KCNJ6: variants seen among roughly 807,000 people sequenced by gnomAD.
KCNJ6 encodes the protein potassium inwardly rectifying channel subfamily J member 6, also known as G protein-activated inward rectifier potassium channel 2.
In KCNJ6, 9 loss-of-function variants were observed where a neutral mutation model predicts 34.2. The observed-to-expected ratio is 0.26, with a 90% confidence interval of 0.16 to 0.46. The LOEUF is 0.46. KCNJ6 is among the 20% of genes least tolerant of loss of function. The probability of loss-of-function intolerance (pLI) is 1.00; values close to 1 mark genes in which losing one functional copy is unlikely to be tolerated. For missense variants in KCNJ6, 236 were observed against 531.3 expected, an observed-to-expected ratio of 0.44 and a Z score of 5.46; for synonymous variants, 196 against 207.1, an observed-to-expected ratio of 0.95 and a Z score of 0.46.
chr21:37,647,233 A>G (rs964487896), intron 3 of KCNJ6, among the ~76,000 whole-genome samples: 1 of 152,002 alleles, frequency 6.6e-6, no homozygotes, highest in Non-Finnish European at 1.5e-5. Flanking sequence ...CTTAATTCTT[A>G]CTTTTTAGCT....
chr21:37,685,706 A>AG (rs1320142772), intron 3 of KCNJ6, among the ~76,000 whole-genome samples: 547 of 51,012 alleles, frequency 0.011, 157 homozygotes, highest in African/African-American at 0.029. Flanking sequence ...AAAAAAAAAA[A>AG]AATCTATCCT....
At chr21:37,782,365 T>C (rs1241459359) in intron 2 of KCNJ6, among the ~76,000 whole-genome samples, 1 of 152,182 alleles carries the variant, frequency 6.6e-6, no homozygotes, top group Non-Finnish European at 1.5e-5. Context: ...TGTTATAGCA[T>C]CAGCAGGAAA....
intron 1 of KCNJ6, among the ~76,000 whole-genome samples, chr21:37,876,739 G>GAC (rs35792630): frequency 0.28 from 42,953 of 151,922 alleles, 7,564 homozygotes; most frequent in African/African-American, 0.51. Context: ...GATCCATGTA[G>GAC]ACAGGCTGGA....
chr21:37,739,282 C>A (rs2054927948), intron 2 of KCNJ6, among the ~76,000 whole-genome samples: 2 of 152,002 alleles, frequency 1.3e-5, no homozygotes, highest in South Asian at 4.1e-4. Flanking sequence ...TAAGATTATG[C>A]AGGTGGCTGG....
chr21:37,914,016 T>G (rs868453523), intron 1 of KCNJ6, among the ~76,000 whole-genome samples: 4 of 144,760 alleles, frequency 2.8e-5, no homozygotes, highest in Non-Finnish European at 6.0e-5. Flanking sequence ...GGGGTGTGTG[T>G]GTGTGTGTGT....
At chr21:37,764,921 C>T (rs2055083664) in intron 2 of KCNJ6, among the ~76,000 whole-genome samples, 1 of 152,222 alleles carries the variant, frequency 6.6e-6, no homozygotes, top group Non-Finnish European at 1.5e-5. Flanking sequence ...AAATATTTCA[C>T]TTCCAAGCCA....
intron 1 of KCNJ6, among the ~76,000 whole-genome samples, chr21:37,907,917 G>T (rs921059652): frequency 6.6e-6 from 1 of 152,192 alleles, no homozygotes; most frequent in Non-Finnish European, 1.5e-5. Context: ...GAATGTGGCA[G>T]TGAAATAAAT....
chr21:37,792,969 G>A (rs576887251), intron 2 of KCNJ6, among the ~76,000 whole-genome samples: 2 of 152,106 alleles, frequency 1.3e-5, no homozygotes, highest in African/African-American at 4.8e-5. Context: ...TAAGCCATGA[G>A]GCCCCTCCTC....
At chr21:37,792,813 T>C (rs1182970526) in intron 2 of KCNJ6, among the ~76,000 whole-genome samples, 2 of 152,150 alleles carry the variant, frequency 1.3e-5, no homozygotes, top group Non-Finnish European at 2.9e-5. Context: ...AAAAGCACAC[T>C]GGTAAGCTCG....
rs1569429202 is a variant in KCNJ6, at chr21:37,614,498, A to ATGTGTGTG, written c.*10660_*10661insCACACACA. ...TGTATGCATGTGTCTGTGTGCGTGT[A>ATGTGTGTG]TGCATGTGTCTCTGTATGCATGTGT... On this transcript the variant is annotated 3_prime_UTR_variant, in exon 4 of 4. Transcript: ENST00000609713. 1 of 43,506 alleles carries ATGTGTGTG rather than the reference A, an allele frequency of 2.3e-5. No homozygotes were observed. Among genetic ancestry groups the ATGTGTGTG allele is most frequent in the South Asian group, 7.5e-4 (1 of 1,330 alleles). 2.7% of individuals were successfully genotyped at this position (43,506 alleles called of 1,614,324 possible). A position where few individuals can be genotyped will look rare whatever the true frequency, so the allele number is the denominator to read the frequency against.
At position 37,821,938 on chromosome 21, in the gene KCNJ6, G is replaced by A. The variant is rs563654527; in HGVS notation, c.25+18720C>T. On this transcript the variant is annotated intron_variant, in intron 2 of 3. Coordinates refer to ENST00000609713, the MANE Select transcript of KCNJ6 (RefSeq NM_002240.5). Reference sequence around the variant, plus strand: ...TATTATTTTAAAGATTTCTTTAGCAGGCATTAGTCATGACCAGCCAGAGAC... The same window carrying A: ...TATTATTTTAAAGATTTCTTTAGCAAGCATTAGTCATGACCAGCCAGAGAC... Among the ~76,000 whole-genome samples the A allele has an allele frequency of 3.9e-5, 6 of 152,306 alleles. No homozygotes were observed. In the East Asian group the frequency reaches 9.6e-4, roughly 24 times the overall value.
intron 2 of KCNJ6, among the ~76,000 whole-genome samples, chr21:37,741,835 C>G (rs1319017179): frequency 6.6e-6 from 1 of 152,238 alleles, no homozygotes; most frequent in Non-Finnish European, 1.5e-5. Flanking sequence ...TCCTAAAAGC[C>G]TTTCCTCATG....
intron 2 of KCNJ6, among the ~76,000 whole-genome samples, chr21:37,716,356 T>C (rs1350290654): frequency 2.0e-5 from 3 of 151,436 alleles, no homozygotes; most frequent in African/African-American, 7.3e-5. Flanking sequence ...TGTGGTTATT[T>C]TTTTTCTTTT....
At chr21:37,663,065 ATATAT>A (rs926230052) in intron 3 of KCNJ6, among the ~76,000 whole-genome samples, 8 of 152,202 alleles carry the variant, frequency 5.3e-5, no homozygotes, top group African/African-American at 1.9e-4. Context: ...AAAAAATTTA[ATATAT>A]TAGGATAAAA....
rs921465156 is a variant in KCNJ6, at chr21:37,676,138, C to T, written c.946+38073G>A. On this transcript the variant is annotated intron_variant, in intron 3 of 3. Transcript: ENST00000609713. ...GAAAGGGAGATGGGCAGGCCCATGG[C>T]GTGGGGACTGACCTTTGGCACAGGG... Among the ~76,000 whole-genome samples, 7 of 152,186 alleles carry T rather than the reference C, an allele frequency of 4.6e-5. No individual in the cohort carries two copies. In the South Asian group the frequency reaches 8.3e-4, roughly 18 times the overall value.
At chr21:37,817,642 A>G (rs1166593467) in intron 2 of KCNJ6, among the ~76,000 whole-genome samples, 1 of 152,180 alleles carries the variant, frequency 6.6e-6, no homozygotes, top group Non-Finnish European at 1.5e-5. Context: ...TAGCCTGTGC[A>G]TGACCCTTTG....
intron 2 of KCNJ6, among the ~76,000 whole-genome samples, chr21:37,776,553 C>T (rs2055143565): frequency 6.6e-6 from 1 of 152,156 alleles, no homozygotes. Context: ...GAGTTTTTAG[C>T]ATGAAGGGCT....
At chr21:37,723,076 TTTAACAAGGAAAAAACAACCCCA>T (rs2054835059) in intron 2 of KCNJ6, among the ~76,000 whole-genome samples, 1 of 152,030 alleles carries the variant, frequency 6.6e-6, no homozygotes. Flanking sequence ...AGGAATTTAA[TTTAACAAGGAAAAAACAACCCCA>T]TTAACAAGTG....
intron 2 of KCNJ6, among the ~76,000 whole-genome samples, chr21:37,720,871 C>CTAATTTTTTGTATTTTT (rs1569451875): frequency 6.6e-6 from 1 of 151,342 alleles, no homozygotes; most frequent in East Asian, 1.9e-4. Context: ...CCGCGCCCGG[C>CTAATTTTTTGTATTTTT]TAATTTTTTG....
Sources: allele counts gnomAD v4.1 joint callset (sites outside exome capture counted in the v4.1 genomes callset), GRCh38; gene constraint gnomAD v4.1.1; transcripts MANE v1.5; gene names NCBI Gene and HGNC (gene_info 2026-07-23, HGNC 2026-07-21).